Variants in TBX10 observed in about 807,000 individuals in gnomAD.
TBX10 encodes T-box transcription factor 10, also known as T-box transcription factor TBX10.
In TBX10, 26 loss-of-function variants were observed where a neutral mutation model predicts 32.4. The ratio of observed to expected loss-of-function variants is 0.80; its 90% CI spans 0.59 to 1.11. The LOEUF is 1.11. TBX10 is among the 50% of genes most tolerant of loss of function. The probability of loss-of-function intolerance (pLI) is 0.00; values close to 1 mark genes in which losing one functional copy is unlikely to be tolerated. For missense variants in TBX10, 490 were observed against 494.5 expected, an observed-to-expected ratio of 0.99 and a Z score of 0.09; for synonymous variants, 195 against 203.1, an observed-to-expected ratio of 0.96 and a Z score of 0.34.
chr11:67,637,978 C>A (rs144012275), intron 1 of TBX10, among the ~76,000 whole-genome samples: 4,179 of 152,232 alleles, frequency 0.027, 365 homozygotes, highest in Admixed American at 0.18. Flanking sequence ...GAGGCCGAGG[C>A]GGGTAGGTCA....
intron 1 of TBX10, among the ~76,000 whole-genome samples, chr11:67,639,015 T>C (rs139536221): frequency 0.017 from 2,574 of 152,276 alleles, 37 homozygotes; most frequent in Non-Finnish European, 0.025. Context: ...TCGCAGCCAA[T>C]GTGCTGCCCC....
intron 6 of TBX10, 83 bp from the exon 7 acceptor site, chr11:67,632,495 G>T (rs1039016686): frequency 6.3e-7 from 1 of 1,584,962 alleles, no homozygotes; most frequent in Non-Finnish European, 8.6e-7. Flanking sequence ...AGATGGTGGG[G>T]CCCCAGGATG....
intron 1 of TBX10, among the ~76,000 whole-genome samples, chr11:67,635,523 C>T (rs188784821): frequency 1.3e-5 from 2 of 152,306 alleles, no homozygotes; most frequent in African/African-American, 4.8e-5. Context: ...TCTATGTGGC[C>T]TCAAGCAAAT....
In TBX10 at chr11:67,631,321, T is replaced by C; in HGVS notation, c.*284A>G. 2.0e-6 allele frequency: 1 copy of C among 489,314 alleles called. No homozygotes were observed. Among genetic ancestry groups the C allele is most frequent in the Non-Finnish European group, 3.7e-6 (1 of 266,998 alleles). 30.3% of individuals were successfully genotyped at this position (489,314 alleles called of 1,614,324 possible). The stretch of plus-strand genomic sequence containing the variant: ...TGACCACTCATGCCAAATAGTTTAA[T>C]GTTAGGGGGAAGGGAGAGGTAAGGC... On this transcript the variant is annotated 3_prime_UTR_variant, in exon 8 of 8. Transcript: ENST00000335385.
chr11:67,631,590 C>G lies in TBX10; in HGVS notation c.*15G>C. ...AGGTCCAGGGTAGCAGGGCTTCCCC[C>G]CAGGGCTTCTGGCATCACTGGGAGT... On this transcript the variant is annotated 3_prime_UTR_variant, in exon 8 of 8. Transcript: ENST00000335385. 1 of 1,586,142 alleles carries G rather than the reference C, an allele frequency of 6.3e-7. No homozygotes were observed. Among genetic ancestry groups the G allele is most frequent in the African/African-American group, 1.3e-5 (1 of 74,780 alleles).
Position 67,635,116 on chromosome 11 carries a change from G to T in TBX10, c.155C>A (p.Pro52His), listed in dbSNP as rs776931059. 6.2e-7 allele frequency: 1 copy of T among 1,613,838 alleles called. No individual in the cohort carries two copies. The highest frequency in any genetic ancestry group is 1.1e-5 in the South Asian group (1 of 91,092). Residue 52 changes from proline to histidine, a missense_variant, in exon 2 of 8, where the codon CCC becomes CAC. Physicochemically the swap from Pro to His is moderately conservative, Grantham distance 77 (BLOSUM62 -2). Around this residue, in one of 3 missense-constraint regions of TBX10, gnomAD observed 307 missense variants for 294.9 expected, o/e 1.04. Transcript: ENST00000335385. ...SSTGAQAVAE[P>H]TGQGPKNPRV... is the part of the protein sequence containing the mutation. The stretch of plus-strand genomic sequence containing the variant: ...TGGGTTCTTGGGGCCCTGCCCAGTG[G>T]GCTCGGCCACAGCTTGGGCCCCAGT...
Position 67,635,006 on chromosome 11 carries a change from T to C in TBX10, c.265A>G (p.Lys89Glu). The C allele has an allele frequency of 6.2e-7, 1 of 1,613,616 alleles. No individual in the cohort carries two copies. The highest frequency in any genetic ancestry group is 8.5e-7 in the Non-Finnish European group (1 of 1,180,028). The change falls in exon 2 of 8, where the codon AAG (lysine) becomes GAG (glutamate). Residue 89 changes from lysine (K) to glutamate (E), a missense_variant. By Grantham distance (56) the Lys-to-Glu change is moderately conservative. Transcript: ENST00000335385. ...NQLGTEMIVT[K>E]AGRRMFPPFQ... ...CCCCGCTGCTCACACCTGCCTGCCT[T>C]GGTGACGATCATCTCAGTGCCCAGC... is the stretch of plus-strand genomic sequence containing the variant.
chr11:67,638,889 C>T (rs781405382), intron 1 of TBX10, among the ~76,000 whole-genome samples: 1 of 152,094 alleles, frequency 6.6e-6, no homozygotes, highest in Non-Finnish European at 1.5e-5. Context: ...GATGCCAGCC[C>T]CCCTGGGTCC....
Position 67,632,612 on chromosome 11 carries a change from AG to A in TBX10, c.763del (p.Leu255TrpfsTer27), listed in dbSNP as rs931005236. Reference sequence around the variant, plus strand: ...CAGGGTCAGACAGTACCAGGAGTCCAGGTCACTCTCTCTAAAGCCTTTGGCA... The same window carrying A: ...CAGGGTCAGACAGTACCAGGAGTCCAGTCACTCTCTCTAAAGCCTTTGGCA... ...PFAKGFRESD[L>X]DSWPVAPRPL... On this transcript the variant is annotated frameshift_variant, in exon 6 of 8. Transcript: ENST00000335385. LOFTEE classifies it high-confidence loss of function. 1 of 1,614,056 alleles carries A rather than the reference AG, an allele frequency of 6.2e-7. No individual in the cohort carries two copies.
In TBX10 at chr11:67,632,373, C is replaced by G. The variant is rs747863955; in HGVS notation, c.813G>C (p.Arg271=). The G allele has an allele frequency of 1.2e-6, 2 of 1,613,222 alleles. No homozygotes were observed. Among genetic ancestry groups the G allele is most frequent in the South Asian group, 2.2e-5 (2 of 91,090 alleles). Residue 271 remains arginine (R), a synonymous_variant, in exon 7 of 8, where the codon CGG becomes CGC. Coordinates refer to ENST00000335385, the MANE Select transcript of TBX10 (RefSeq NM_005995.5). ...APRPLLSVPA[R]SHSSLSPCVL... ...CACAGGGACTGAGGCTGCTGTGACT[C>G]CGGGCTGGGACACTGAGCAGGGGCC...
rs891562733 is a variant in TBX10, at chr11:67,639,647, C to T, written c.-175G>A. On this transcript the variant is annotated 5_prime_UTR_variant, in exon 1 of 8. Coordinates refer to ENST00000335385, the MANE Select transcript of TBX10 (RefSeq NM_005995.5). ...GGTCCTTGCCTCCTCGATCGCCCTT[C>T]GTCCACGTCCTGAGGTCGTGGTCTT... The T allele has an allele frequency of 1.4e-5, 11 of 807,672 alleles. No homozygotes were observed. The highest frequency in any genetic ancestry group is 8.5e-5 in the African/African-American group (5 of 59,086). The allele number at this position is 807,672 out of a possible 1,614,324, so 50.0% of individuals were successfully genotyped here.
chr11:67,635,063 C>G lies in TBX10; in HGVS notation c.208G>C (p.Glu70Gln). 6.2e-7 allele frequency: 1 copy of G among 1,613,884 alleles called. No homozygotes were observed. The highest frequency in any genetic ancestry group is 8.5e-7 in the Non-Finnish European group (1 of 1,180,042). ...PRVSRVTVQL[E>Q]MKPLWEEFNQ... The stretch of plus-strand genomic sequence containing the variant: ...AATTCCTCCCACAGAGGCTTCATCT[C>G]CAGCTGAACTGTCACTCTGGACACA... The change falls in exon 2 of 8, where the codon GAG becomes CAG. Residue 70 changes from glutamate (E) to glutamine (Q), a missense_variant. Around this residue, in one of 3 missense-constraint regions of TBX10, gnomAD observed 307 missense variants for 294.9 expected, o/e 1.04. Transcript: ENST00000335385.
Position 67,631,542 on chromosome 11 carries a change from G to A in TBX10, c.*63C>T. 1.3e-6 allele frequency: 2 copies of A among 1,543,584 alleles called. No homozygotes were observed. Among genetic ancestry groups the A allele is most frequent in the Non-Finnish European group, 8.7e-7 (1 of 1,150,068 alleles). On this transcript the variant is annotated 3_prime_UTR_variant, in exon 8 of 8. Transcript: ENST00000335385. ...ATGGGGCTGGAGGGGGCGGGGCAGA[G>A]GCTGATTCCCACACCCGGTGTAAGG...
chr11:67,634,942 C>A, intron 2 of TBX10, 25 bp from the exon 3 acceptor site: 1 of 1,613,136 alleles, frequency 6.2e-7, no homozygotes, highest in Non-Finnish European at 8.5e-7. Flanking sequence ...TGCTCAGCAG[C>A]CGGATGCGGC....
chr11:67,638,931 T>C (rs1025055310), intron 1 of TBX10, among the ~76,000 whole-genome samples: 6 of 152,112 alleles, frequency 3.9e-5, no homozygotes, highest in Non-Finnish European at 8.8e-5. Context: ...GGGGGGCTCA[T>C]GATTTCACTG....
In TBX10 at chr11:67,632,387, T is replaced by A; in HGVS notation, c.799A>T (p.Ser267Cys). The A allele has an allele frequency of 6.2e-7, 1 of 1,612,936 alleles. No individual in the cohort carries two copies. The highest frequency in any genetic ancestry group is 8.5e-7 in the Non-Finnish European group (1 of 1,179,962). Residue 267 changes from serine (S) to cysteine (C), a missense_variant, in exon 7 of 8, where the codon AGT (serine) becomes TGT (cysteine). By Grantham distance (112) the Ser-to-Cys change is moderately radical (BLOSUM62 -1). This residue lies in a region of TBX10 where 177 missense variants were observed against 176.6 expected (regional missense o/e 1.00). Transcript: ENST00000335385. ...CTGCTGTGACTCCGGGCTGGGACAC[T>A]GAGCAGGGGCCGTGGGGCCACAGGC... ...SWPVAPRPLL[S>C]VPARSHSSLS...
At chr11:67,632,818 C>T in intron 5 of TBX10, 130 bp downstream of exon 5, 3 of 1,560,156 alleles carry the variant, frequency 1.9e-6, no homozygotes, top group Non-Finnish European at 2.6e-6. Context: ...AGGGCCTTGA[C>T]TGATGGCAGA....
intron 5 of TBX10, 58 bp from the exon 6 acceptor site, chr11:67,632,728 C>T (rs1293257713): frequency 2.1e-5 from 33 of 1,606,554 alleles, no homozygotes; most frequent in Non-Finnish European, 2.5e-5. Context: ...GCCACCTTGT[C>T]CTCCCGGGAA....
At chr11:67,637,375 A>G (rs1321113137) in intron 1 of TBX10, among the ~76,000 whole-genome samples, 1 of 152,150 alleles carries the variant, frequency 6.6e-6, no homozygotes, top group Non-Finnish European at 1.5e-5. Context: ...TACTTTTTGC[A>G]GAAAGGGTAC....
Sources: gnomAD v4.1 joint callset for allele counts (sites outside exome capture counted in the v4.1 genomes callset) on GRCh38, gnomAD v4.1.1 for gene constraint, gnomAD v4.1.1 regional missense constraint, MANE v1.5 for transcripts, NCBI Gene and HGNC (gene_info 2026-07-23, HGNC 2026-07-21) for gene names.